The following DOCK5 variants were observed in gnomAD, a reference collection of about 807,000 sequenced individuals.
DOCK5 encodes the protein dedicator of cytokinesis 5.
A neutral mutation model predicts 251.8 loss-of-function variants in DOCK5; 142 were observed. The ratio of observed to expected loss-of-function variants is 0.56; its 90% CI spans 0.49 to 0.65. DOCK5 has a LOEUF of 0.65. Ranked by LOEUF, DOCK5 falls within the 30% of genes least tolerant of loss-of-function variation. The pLI, the probability that DOCK5 is intolerant of heterozygous loss-of-function variation, is 0.00. For missense variants in DOCK5, 2,111 were observed against 2,312.3 expected, an observed-to-expected ratio of 0.91 and a Z score of 1.79; for synonymous variants, 842 against 835.5, an observed-to-expected ratio of 1.01 and a Z score of -0.13.
intron 39 of DOCK5, among the ~76,000 whole-genome samples, chr8:25,382,126 G>T (rs911012635): frequency 7.2e-5 from 11 of 152,102 alleles, no homozygotes; most frequent in African/African-American, 2.7e-4. Context: ...ACATCTTCCT[G>T]CCTCAGCTGC....
intron 13 of DOCK5, among the ~76,000 whole-genome samples, 196 bp from the exon 14 acceptor site, chr8:25,316,811 A>G (rs959051890): frequency 1.3e-5 from 2 of 152,248 alleles, no homozygotes; most frequent in Non-Finnish European, 2.9e-5. Context: ...CAGTGCAAAG[A>G]CATCTTGGTA....
chr8:25,284,609 TC>T (rs1391104296), intron 5 of DOCK5, among the ~76,000 whole-genome samples: 3 of 152,246 alleles, frequency 2.0e-5, no homozygotes, highest in Non-Finnish European at 2.9e-5. Flanking sequence ...TGGCCTCTTT[TC>T]CTTTCTGTCA....
At chr8:25,190,775 G>GATTTTTTTTTTT (rs755511798) in intron 1 of DOCK5, among the ~76,000 whole-genome samples, 2 of 53,980 alleles carry the variant, frequency 3.7e-5, no homozygotes, top group African/African-American at 6.7e-5. Context: ...CTTGGTCATG[G>GATTTTTTTTTTT]GTTTTTTTTT....
At chr8:25,201,250 C>T (rs1318523526) in intron 1 of DOCK5, among the ~76,000 whole-genome samples, 4 of 152,112 alleles carry the variant, frequency 2.6e-5, no homozygotes, top group African/African-American at 7.2e-5. Context: ...CCTCAGGCTT[C>T]GTCTCCTCTC....
At chr8:25,304,062 G>C (rs1161380853) in intron 10 of DOCK5, among the ~76,000 whole-genome samples, 193 bp from the exon 11 acceptor site, 2 of 152,204 alleles carry the variant, frequency 1.3e-5, no homozygotes, top group Non-Finnish European at 2.9e-5. Context: ...CCCTTCCTTA[G>C]CACCTCATGA....
intron 26 of DOCK5, among the ~76,000 whole-genome samples, chr8:25,350,858 C>A (rs753709403): frequency 6.6e-6 from 1 of 152,164 alleles, no homozygotes; most frequent in African/African-American, 2.4e-5. Flanking sequence ...AGAGCTGCAT[C>A]TCCTAATACC....
chr8:25,231,651 T>A (rs1002382388), intron 1 of DOCK5, among the ~76,000 whole-genome samples: 1 of 152,226 alleles, frequency 6.6e-6, no homozygotes, highest in Non-Finnish European at 1.5e-5. Context: ...TTTTATATTA[T>A]CCTTTGTAAT....
At chr8:25,215,510 C>G (rs562452707) in intron 1 of DOCK5, among the ~76,000 whole-genome samples, 1 of 152,044 alleles carries the variant, frequency 6.6e-6, no homozygotes, top group African/African-American at 2.4e-5. Context: ...GCAACTTGTC[C>G]ACTATGTGAC....
In DOCK5 at chr8:25,301,729, T is replaced by C. The variant is rs1162142328; in HGVS notation, c.847-596T>C. Among the ~76,000 whole-genome samples the C allele has an allele frequency of 2.6e-5, 4 of 151,548 alleles. No individual in the cohort carries two copies. In the East Asian group the frequency reaches 7.7e-4, roughly 29 times the overall value. On this transcript the variant is annotated intron_variant, in intron 9 of 51. Coordinates refer to ENST00000276440, the MANE Select transcript of DOCK5 (RefSeq NM_024940.8). The stretch of plus-strand genomic sequence containing the variant: ...AAAAAAAAAAAAATACAAACAAGTG[T>C]AGAACCCTAGCTGCAAGAGAAATAG...
chr8:25,229,638 C>T (rs914820867), intron 1 of DOCK5, among the ~76,000 whole-genome samples: 1 of 151,894 alleles, frequency 6.6e-6, no homozygotes, highest in African/African-American at 2.4e-5. Context: ...CTAATTGTAT[C>T]TCAAAAAGAA....
chr8:25,313,048 G>C (rs1300969738), intron 13 of DOCK5, among the ~76,000 whole-genome samples: 1 of 152,122 alleles, frequency 6.6e-6, no homozygotes. Flanking sequence ...TCTAGAGACC[G>C]ATTCAGAGCT....
chr8:25,410,296 T>C, intron 51 of DOCK5, 94 bp downstream of exon 51: 1 of 1,045,188 alleles, frequency 9.6e-7, no homozygotes, highest in Non-Finnish European at 1.4e-6. Flanking sequence ...GCAGGTTTGC[T>C]CATAGACCTG....
rs1805012061 is a variant in DOCK5 at position 25,308,752 on chromosome 8, C to T, written c.1050-31C>T. The T allele has an allele frequency of 2.5e-6, 4 of 1,610,904 alleles. No homozygotes were observed. In the African/African-American group the frequency reaches 4.0e-5, roughly 16 times the overall value. ...CTGCAGAGACTTCCTTTCTCCCCCT[C>T]CCACCTTACCTCTTATTTCTCTTTC... is the stretch of plus-strand genomic sequence containing the variant. On this transcript the variant is annotated intron_variant, in intron 11 of 51. Coordinates refer to ENST00000276440, the MANE Select transcript of DOCK5 (RefSeq NM_024940.8).
At chr8:25,350,990 C>G (rs1800457020) in intron 26 of DOCK5, among the ~76,000 whole-genome samples, 1 of 152,106 alleles carries the variant, frequency 6.6e-6, no homozygotes, top group African/African-American at 2.4e-5. Context: ...GTGGTAAGAG[C>G]TTTGTATTTT....
At chr8:25,266,517 T>G (rs73558500) in intron 2 of DOCK5, among the ~76,000 whole-genome samples, 5,869 of 151,966 alleles carry the variant, frequency 0.039, 476 homozygotes, top group African/African-American at 0.13. Context: ...AAGTCTAATA[T>G]CAAGCTATAT....
intron 10 of DOCK5, among the ~76,000 whole-genome samples, chr8:25,302,754 T>C (rs1405015264): frequency 1.3e-5 from 2 of 152,168 alleles, no homozygotes; most frequent in Non-Finnish European, 2.9e-5. Flanking sequence ...TTTTGACTCA[T>C]GCTACACACT....
rs145117284 is a variant in DOCK5, at chr8:25,412,855, T to C, written c.*1557T>C. On this transcript the variant is annotated 3_prime_UTR_variant, in exon 52 of 52. Coordinates refer to ENST00000276440, the MANE Select transcript of DOCK5 (RefSeq NM_024940.8). ...AGGAGAGAACTACACCAGTTCATCA[T>C]GAGGGTCAGGGAAGCAAAAGCTCTC... The C allele has an allele frequency of 6.6e-6, 1 of 152,298 alleles. No individual in the cohort carries two copies. The highest frequency in any genetic ancestry group is 1.5e-5 in the Non-Finnish European group (1 of 68,026). 9.4% of individuals were successfully genotyped at this position (152,298 alleles called of 1,614,324 possible).
intron 1 of DOCK5, among the ~76,000 whole-genome samples, chr8:25,197,989 ATCCGCCTGCG>A (rs1280718640): frequency 1.3e-5 from 2 of 151,976 alleles, no homozygotes; most frequent in Non-Finnish European, 2.9e-5. Flanking sequence ...TGACGTCGTG[ATCCGCCTGCG>A]TCGGCCTCCC....
At chr8:25,388,103 C>G (rs1247456102) in intron 40 of DOCK5, among the ~76,000 whole-genome samples, 1 of 152,182 alleles carries the variant, frequency 6.6e-6, no homozygotes, top group African/African-American at 2.4e-5. Flanking sequence ...AGTGTAATTG[C>G]CCTCACGGTA....
Sources: gnomAD v4.1 joint callset for allele counts (sites outside exome capture counted in the v4.1 genomes callset) on GRCh38, gnomAD v4.1.1 for gene constraint, MANE v1.5 for transcripts, NCBI Gene and HGNC (gene_info 2026-07-23, HGNC 2026-07-21) for gene names.